PLEKHG1: variants seen among roughly 807,000 people sequenced by gnomAD.
PLEKHG1 encodes pleckstrin homology and RhoGEF domain containing G1.
PLEKHG1 carries 44 observed loss-of-function variants against 100.8 expected under a neutral mutation model. The ratio of observed to expected loss-of-function variants is 0.44; its 90% confidence interval spans 0.34 to 0.56. PLEKHG1 has a LOEUF of 0.56. Ranked by LOEUF, PLEKHG1 falls within the 20% of genes least tolerant of loss-of-function variation. The pLI is 0.01. For missense variants in PLEKHG1, 1,545 were observed against 1,720.9 expected (o/e 0.90, Z 1.81); for synonymous variants, 640 against 662.5 (o/e 0.97, Z 0.52).
At chr6:150,642,081 T>A (rs1778293443) in intron 2 of PLEKHG1, among the ~76,000 whole-genome samples, 1 of 152,026 alleles carries the variant, frequency 6.6e-6, no homozygotes. Context: ...TAAAGTTATC[T>A]CCTAAAATAT....
At chr6:150,819,809 A>G (rs1776195557) in intron 12 of PLEKHG1, 35 bp downstream of exon 13, 1 of 1,169,520 alleles carries the variant, frequency 8.6e-7, no homozygotes. Flanking sequence ...TTTAATTCTA[A>G]TGGGGGACTG....
intron 3 of PLEKHG1, among the ~76,000 whole-genome samples, chr6:150,784,864 T>C (rs763341418): frequency 5.3e-5 from 8 of 152,176 alleles, no homozygotes; most frequent in Non-Finnish European, 1.0e-4. Context: ...GGCATAATAC[T>C]TACATAGTCT....
chr6:150,694,263 A>G (rs1291484124), intron 3 of PLEKHG1, among the ~76,000 whole-genome samples: 2 of 152,206 alleles, frequency 1.3e-5, no homozygotes. Flanking sequence ...TTCAAATGCC[A>G]GTTTCACTCC....
exon 16 of PLEKHG1, chr6:150,840,725 T>C: frequency 6.2e-7 from 1 of 1,614,172 alleles, no homozygotes; most frequent in Non-Finnish European, 8.5e-7. Context: ...GTCCGCGCAC[T>C]CCAAAAAAGC....
At chr6:150,753,700 A>G (rs968044294) in intron 2 of PLEKHG1, among the ~76,000 whole-genome samples, 1 of 152,232 alleles carries the variant, frequency 6.6e-6, no homozygotes, top group Non-Finnish European at 1.5e-5. Flanking sequence ...TTTCTTGTGC[A>G]AAGCGGGAGT....
intron 3 of PLEKHG1, among the ~76,000 whole-genome samples, chr6:150,698,692 G>A (rs2128597371): frequency 1.3e-5 from 2 of 152,328 alleles, no homozygotes; most frequent in East Asian, 3.9e-4. Flanking sequence ...CTCCTTGTGT[G>A]TTCTTTTCCA....
intron 3 of PLEKHG1, among the ~76,000 whole-genome samples, chr6:150,696,022 C>G (rs1264588078): frequency 6.6e-6 from 1 of 152,144 alleles, no homozygotes; most frequent in Non-Finnish European, 1.5e-5. Flanking sequence ...CACAACAAGT[C>G]AAATGAAATG....
chr6:150,754,314 T>G (rs1437781361), intron 2 of PLEKHG1, among the ~76,000 whole-genome samples: 1 of 151,782 alleles, frequency 6.6e-6, no homozygotes, highest in Admixed American at 6.6e-5. Flanking sequence ...GTGAGGGAGT[T>G]GAGGGGGAGC....
chr6:150,834,984 G>A (rs75967982), intron 15 of PLEKHG1, among the ~76,000 whole-genome samples: 185 of 152,134 alleles, frequency 1.2e-3, no homozygotes, highest in Admixed American at 4.1e-3. Context: ...ACAGGACGTC[G>A]TAATCGAATG....
Position 150,746,646 on chromosome 6 carries a change from T to C in PLEKHG1, c.411+12554T>C, listed in dbSNP as rs113491980. The stretch of plus-strand genomic sequence containing the variant: ...TTGTAAATAGTTGTAGGAAGTTTTT[T>C]ACTGAAAGGATTTGCATAATTTGGT... On this transcript the variant is annotated intron_variant, in intron 2 of 15. Coordinates refer to ENST00000358517, the Ensembl canonical transcript of PLEKHG1. Among the ~76,000 whole-genome samples the C allele has an allele frequency of 5.8e-3, 891 of 152,374 alleles. 7 individuals carry two copies. Among genetic ancestry groups the C allele is most frequent in the African/African-American group, 0.02 (852 of 41,594 alleles).
At chr6:150,626,752 A>G (rs972638361) in intron 1 of PLEKHG1, among the ~76,000 whole-genome samples, 1 of 152,204 alleles carries the variant, frequency 6.6e-6, no homozygotes, top group Admixed American at 6.5e-5. Context: ...ATGAAGGACA[A>G]TATCCTACCA....
Position 150,758,001 on chromosome 6 carries a change from T to C in PLEKHG1, c.412-10637T>C, listed in dbSNP as rs143881246. On this transcript the variant is annotated intron_variant, in intron 2 of 15. Coordinates refer to ENST00000358517, the Ensembl canonical transcript of PLEKHG1. ...CTGAGGATAACAGCTTCCGGCTCCA[T>C]CCATGATTTCATTCCTTTTTATGGC... Among the ~76,000 whole-genome samples, 735 of 152,294 alleles carry C rather than the reference T, an allele frequency of 4.8e-3. 3 individuals are homozygous for C. Among genetic ancestry groups the C allele is most frequent in the Admixed American group, 8.3e-3 (127 of 15,286 alleles).
chr6:150,842,213 T>C (rs1183251253), exon 16 of PLEKHG1: 1 of 152,258 alleles, frequency 6.6e-6, no homozygotes, highest in Non-Finnish European at 1.5e-5. Context: ...TTCTATTTTA[T>C]TGAAGACTGC....
At position 150,682,457 on chromosome 6, in the gene PLEKHG1, A is replaced by G. The variant is rs1005524771; in HGVS notation, c.-99+31671A>G. 2.0e-5 allele frequency among the ~76,000 whole-genome samples: 3 copies of G among 151,956 alleles called. No individual in the cohort carries two copies. In the East Asian group the frequency reaches 5.8e-4, roughly 29 times the overall value. On this transcript the variant is annotated intron_variant, in intron 3 of 3. Transcript: ENST00000367326. Reference sequence around the variant, plus strand: ...ATGTCCCTGAGCCAGTCCACCAGACATGGAGGCTTGGGGAAAGGGCAGTGA... The same window carrying G: ...ATGTCCCTGAGCCAGTCCACCAGACGTGGAGGCTTGGGGAAAGGGCAGTGA...
intron 2 of PLEKHG1, among the ~76,000 whole-genome samples, chr6:150,750,694 T>G (rs1350584184): frequency 7.5e-6 from 1 of 132,790 alleles, no homozygotes; most frequent in African/African-American, 3.1e-5. Context: ...GGCAGGAGAA[T>G]GGCGTGAACC....
rs76025336 is a variant in PLEKHG1 at position 150,624,441 on chromosome 6, G to A, written c.-203-13639G>A. On this transcript the variant is annotated intron_variant, in intron 1 of 3. Transcript: ENST00000367326. Reference sequence around the variant, plus strand: ...TCTTCATGAGTAAAGGAGGTCTTCCGTCCTATGGAGCACCTAGCAATGTGA... The same window carrying A: ...TCTTCATGAGTAAAGGAGGTCTTCCATCCTATGGAGCACCTAGCAATGTGA... 1.0e-3 allele frequency among the ~76,000 whole-genome samples: 156 copies of A among 152,242 alleles called. 1 individual carries two copies. The East Asian group carries it at 0.022, about 22-fold the overall frequency.
intron 14 of PLEKHG1, chr6:150,828,228 C>A: frequency 6.2e-7 from 1 of 1,613,794 alleles, no homozygotes; most frequent in Non-Finnish European, 8.5e-7. Flanking sequence ...GCGGCATGAA[C>A]CTGACAAGAG....
intron 15 of PLEKHG1, among the ~76,000 whole-genome samples, chr6:150,833,827 C>T (rs993682076): frequency 8.5e-5 from 13 of 152,184 alleles, no homozygotes; most frequent in Non-Finnish European, 1.8e-4. Flanking sequence ...TGGGTGATGG[C>T]TTAGTATCAG....
rs191892197 is a variant in PLEKHG1 at position 150,827,895 on chromosome 6, A to C, written c.1471-2687A>C. The C allele has an allele frequency of 9.2e-6, 14 of 1,529,822 alleles. No homozygotes were observed. The East Asian group carries it at 3.2e-4, about 34-fold the overall frequency. The allele number at this position is 1,529,822 out of a possible 1,614,324, so 94.8% of individuals were successfully genotyped here. A position where few individuals can be genotyped will look rare whatever the true frequency, so the allele number is the denominator to read the frequency against. On this transcript the variant is annotated intron_variant, in intron 14 of 15. Transcript: ENST00000358517. Reference sequence around the variant, plus strand: ...TGCTATTGAAATGTACAGACAGCAGAGACTGGCTGAGTGGAAAGCAACTAA... The same window carrying C: ...TGCTATTGAAATGTACAGACAGCAGCGACTGGCTGAGTGGAAAGCAACTAA...
Sources: gnomAD v4.1 joint callset for allele counts (sites outside exome capture counted in the v4.1 genomes callset) on GRCh38, gnomAD v4.1.1 for gene constraint, MANE v1.5 for transcripts, NCBI Gene and HGNC (gene_info 2026-07-23, HGNC 2026-07-21) for gene names.